The following AMD1 variants were observed in gnomAD, a reference collection of about 807,000 sequenced individuals.
AMD1 encodes adenosylmethionine decarboxylase 1, also known as S-adenosylmethionine decarboxylase proenzyme.
In AMD1, 11 loss-of-function variants were observed where a neutral mutation model predicts 40.2. That is an observed-to-expected ratio of 0.27 (90% CI 0.17 to 0.45). The LOEUF (loss-of-function observed/expected upper bound fraction) is 0.45, where lower values mean the gene tolerates loss of function less well. Among genes scored for constraint, AMD1 ranks in the 20% least tolerant of loss-of-function variants. AMD1 has a pLI of 1.00. For missense variants in AMD1, 257 were observed against 410.2 expected, an observed-to-expected ratio of 0.63 and a Z score of 3.23; for synonymous variants, 121 against 130.8, an observed-to-expected ratio of 0.93 and a Z score of 0.51.
chr6:110,855,067 T>C, the AMD1 span, among the ~76,000 whole-genome samples: 15 of 133,572 alleles, frequency 1.1e-4, no homozygotes, highest in Admixed American at 2.2e-4. Context: ...CTCTCTCTCT[T>C]TTTTTTTTTT....
the AMD1 span, among the ~76,000 whole-genome samples, chr6:110,849,285 C>T: frequency 6.6e-6 from 1 of 152,106 alleles, no homozygotes; most frequent in African/African-American, 2.4e-5. Context: ...AATTGAGAAC[C>T]AGGCAGATCC....
At chr6:110,822,242 A>G in the AMD1 span, among the ~76,000 whole-genome samples, 4 of 152,174 alleles carry the variant, frequency 2.6e-5, no homozygotes, top group African/African-American at 9.6e-5. Flanking sequence ...AGAAATGAAA[A>G]TGGAGACATT....
chr6:110,895,699 A>G lies in AMD1; in HGVS notation c.*2083A>G, dbSNP rs929549240. 6.5e-6 allele frequency: 1 copy of G among 152,756 alleles called. No individual in the cohort carries two copies. Among genetic ancestry groups the G allele is most frequent in the South Asian group, 2.1e-4 (1 of 4,826 alleles). 9.5% of individuals were successfully genotyped at this position (152,756 alleles called of 1,614,324 possible). On this transcript the variant is annotated 3_prime_UTR_variant, in exon 9 of 9. Transcript: ENST00000368885. Reference sequence around the variant, plus strand: ...CGCTTCAATAAAAGTTTAATTGTCTAGTGACATTCAGAAACTTTTCTGTTG... The same window carrying G: ...CGCTTCAATAAAAGTTTAATTGTCTGGTGACATTCAGAAACTTTTCTGTTG...
the AMD1 span, among the ~76,000 whole-genome samples, chr6:110,855,072 T>TC: frequency 2.1e-5 from 3 of 143,230 alleles, no homozygotes; most frequent in African/African-American, 7.7e-5. Flanking sequence ...TCTCTTTTTT[T>TC]TTTTTTTTTT....
the AMD1 span, among the ~76,000 whole-genome samples, chr6:110,839,577 T>C: frequency 6.6e-6 from 1 of 152,108 alleles, no homozygotes; most frequent in Admixed American, 6.6e-5. Flanking sequence ...GTCGAGATCA[T>C]GCCACTGCAC....
At chr6:110,863,191 C>T in the AMD1 span, among the ~76,000 whole-genome samples, 1 of 150,670 alleles carries the variant, frequency 6.6e-6, no homozygotes, top group East Asian at 2.0e-4. Flanking sequence ...GTGATCCGCC[C>T]GCCTCGGCCT....
At chr6:110,890,420 C>A in intron 4 of AMD1, 64 bp downstream of exon 4, 1 of 1,145,878 alleles carries the variant, frequency 8.7e-7, no homozygotes, top group Non-Finnish European at 1.3e-6. Context: ...CCTCAGAGAT[C>A]TTTCTATATG....
chr6:110,851,932 G>C, the AMD1 span, among the ~76,000 whole-genome samples: 1 of 152,136 alleles, frequency 6.6e-6, no homozygotes, highest in South Asian at 2.1e-4. Context: ...TAAGTAACAA[G>C]TGCAGCTCAC....
chr6:110,881,824 C>CAA lies in AMD1; in HGVS notation c.111-5668_111-5667dup, dbSNP rs11436863. On this transcript the variant is annotated intron_variant, in intron 1 of 8. Transcript: ENST00000368885. ...TAGGTGACAGAACAAGACTGCATCT[C>CAA]AAAAAAAAAAAAAATTGTGTGCTTG... Among the ~76,000 whole-genome samples the CAA allele has an allele frequency of 1.5e-3, 209 of 138,940 alleles. 2 individuals are homozygous for CAA. The highest frequency in any genetic ancestry group is 7.1e-3 in the East Asian group (35 of 4,910). The allele number at this position is 138,940 out of a possible 152,430, so 91.2% of individuals were successfully genotyped here.
the AMD1 span, among the ~76,000 whole-genome samples, chr6:110,855,462 A>T: frequency 6.6e-6 from 1 of 152,194 alleles, no homozygotes; most frequent in Admixed American, 6.5e-5. Context: ...GCATAAAGTT[A>T]CATAGATTAT....
the AMD1 span, among the ~76,000 whole-genome samples, chr6:110,834,962 C>G: frequency 8.1e-5 from 12 of 147,878 alleles, 1 homozygote; most frequent in South Asian, 1.5e-3. Context: ...AAAAAAAAAT[C>G]TATAGTTAGA....
At chr6:110,819,411 A>G in the AMD1 span, among the ~76,000 whole-genome samples, 1 of 152,284 alleles carries the variant, frequency 6.6e-6, no homozygotes, top group South Asian at 2.1e-4. Context: ...GAGCAGCACT[A>G]TAAGAAAAAA....
chr6:110,876,116 G>A (rs913752446), intron 1 of AMD1, among the ~76,000 whole-genome samples: 3 of 152,224 alleles, frequency 2.0e-5, no homozygotes, highest in African/African-American at 7.2e-5. Flanking sequence ...CCCACTGCGG[G>A]CCGTCACGCG....
At chr6:110,820,048 C>T in the AMD1 span, among the ~76,000 whole-genome samples, 1 of 152,184 alleles carries the variant, frequency 6.6e-6, no homozygotes, top group Non-Finnish European at 1.5e-5. Flanking sequence ...ATCCCCATGT[C>T]TTTCCCAGAA....
At chr6:110,828,728 A>G in the AMD1 span, among the ~76,000 whole-genome samples, 1 of 152,210 alleles carries the variant, frequency 6.6e-6, no homozygotes, top group African/African-American at 2.4e-5. Flanking sequence ...TTCTCTTACC[A>G]CAGTCTAATC....
intron 1 of AMD1, chr6:110,875,480 A>G (rs1245531872): frequency 5.0e-6 from 2 of 400,310 alleles, no homozygotes; most frequent in African/African-American, 2.1e-5. Context: ...CCGCGTGCTC[A>G]GGTAACGTCC....
chr6:110,846,416 A>G, the AMD1 span, among the ~76,000 whole-genome samples: 4 of 152,252 alleles, frequency 2.6e-5, no homozygotes, highest in Non-Finnish European at 4.4e-5. Context: ...AATTATATAC[A>G]TGAAGCCACT....
At chr6:110,840,087 C>T in the AMD1 span, among the ~76,000 whole-genome samples, 1 of 141,274 alleles carries the variant, frequency 7.1e-6, no homozygotes, top group Non-Finnish European at 1.5e-5. Context: ...GGTGCGATCT[C>T]GGCTCACTGC....
the AMD1 span, among the ~76,000 whole-genome samples, chr6:110,834,191 A>G: frequency 6.6e-6 from 1 of 152,114 alleles, no homozygotes; most frequent in African/African-American, 2.4e-5. Context: ...AGAAATAACA[A>G]GGCCATACAT....
Sources: allele counts gnomAD v4.1 joint callset (sites outside exome capture counted in the v4.1 genomes callset), GRCh38; gene constraint gnomAD v4.1.1; transcripts MANE v1.5; gene names NCBI Gene and HGNC (gene_info 2026-07-23, HGNC 2026-07-21).